The following FECH variants were observed in gnomAD, a reference collection of about 807,000 sequenced individuals.
FECH encodes the protein ferrochelatase.
Under a neutral mutation model 56.9 loss-of-function variants are expected in FECH, and 40 were observed. The observed-to-expected ratio is 0.70, with a 90% CI of 0.55 to 0.92. The LOEUF is 0.92. Among genes scored for constraint, FECH ranks in the 40% least tolerant of loss-of-function variants. FECH has a pLI of 0.00. For missense variants in FECH, 431 were observed against 529.1 expected (o/e 0.81, Z 1.82); for synonymous variants, 175 against 198.6 (o/e 0.88, Z 1.00).
chr18:57,566,682 T>C (rs571194808), intron 4 of FECH, 101 bp from the exon 5 acceptor site: 178 of 1,434,670 alleles, frequency 1.2e-4, no homozygotes, highest in Non-Finnish European at 1.6e-4. Flanking sequence ...GAACAGTTCA[T>C]GTAATTTCCT....
chr18:57,572,152 C>G (rs1233355526), intron 3 of FECH, among the ~76,000 whole-genome samples: 3 of 152,084 alleles, frequency 2.0e-5, no homozygotes, highest in Non-Finnish European at 2.9e-5. Flanking sequence ...TACACATTCA[C>G]AACAGCAAAG....
chr18:57,582,019 AT>A (rs921059508), intron 1 of FECH, among the ~76,000 whole-genome samples: 12 of 149,538 alleles, frequency 8.0e-5, no homozygotes, highest in Middle Eastern at 3.4e-3. Flanking sequence ...AAAAAAAAAA[AT>A]TCAATTCCAA....
intron 1 of FECH, among the ~76,000 whole-genome samples, chr18:57,582,420 A>T (rs1455387964): frequency 6.6e-6 from 1 of 152,104 alleles, no homozygotes; most frequent in East Asian, 1.9e-4. Context: ...ATTCAGGATA[A>T]GGGGTACTCA....
At chr18:57,568,084 A>C (rs1598998328) in intron 4 of FECH, among the ~76,000 whole-genome samples, 4 of 152,360 alleles carry the variant, frequency 2.6e-5, no homozygotes, top group Admixed American at 2.6e-4. Context: ...CAATACCATC[A>C]AATCCCTTGA....
At chr18:57,570,985 A>T (rs1555680892) in intron 4 of FECH, among the ~76,000 whole-genome samples, 1 of 152,216 alleles carries the variant, frequency 6.6e-6, no homozygotes, top group Non-Finnish European at 1.5e-5. Context: ...TACTGCTCTA[A>T]ATATTCTAAT....
intron 2 of FECH, among the ~76,000 whole-genome samples, chr18:57,574,254 G>C (rs2051154984): frequency 6.6e-6 from 1 of 152,144 alleles, no homozygotes; most frequent in Non-Finnish European, 1.5e-5. Flanking sequence ...CTCCCAAAGT[G>C]CTGGGATTAC....
intron 4 of FECH, among the ~76,000 whole-genome samples, chr18:57,570,134 T>G (rs1462402307): frequency 2.0e-5 from 3 of 151,476 alleles, no homozygotes; most frequent in Non-Finnish European, 4.4e-5. Flanking sequence ...GCTCAAGCGA[T>G]CCACCTGCCT....
At position 57,586,682 on chromosome 18, in the gene FECH, C is replaced by G; in HGVS notation, c.-62G>C. 2 of 1,421,500 alleles carry G rather than the reference C, an allele frequency of 1.4e-6. No homozygotes were observed. The highest frequency in any genetic ancestry group is 2.6e-5 in the South Asian group (2 of 75,980). The allele number at this position is 1,421,500 out of a possible 1,614,324, so 88.1% of individuals were successfully genotyped here. On this transcript the variant is annotated 5_prime_UTR_variant, in exon 1 of 11. Coordinates refer to ENST00000262093, the MANE Select transcript of FECH (RefSeq NM_000140.5). ...CGCGGCGGCGCGCCCAGGTGTCCGC[C>G]CAGCAGTGGCCGAGCCGGGTAGCGA... is the stretch of plus-strand genomic sequence containing the variant.
chr18:57,563,467 C>A (rs2050972408), intron 5 of FECH, among the ~76,000 whole-genome samples: 1 of 148,464 alleles, frequency 6.7e-6, no homozygotes, highest in Non-Finnish European at 1.5e-5. Context: ...GTAATCCCAG[C>A]TACTCAGGAG....
intron 6 of FECH, 143 bp from the exon 7 acceptor site, chr18:57,559,386 A>G (rs749840974): frequency 1.6e-5 from 10 of 644,380 alleles, no homozygotes; most frequent in South Asian, 8.1e-5. Context: ...AAAAAATTGC[A>G]AACAGTCCAG....
intron 9 of FECH, 115 bp downstream of exon 9, chr18:57,554,142 ACCG>A (rs2050835707): frequency 5.9e-6 from 5 of 854,324 alleles, no homozygotes; most frequent in African/African-American, 1.8e-5. Flanking sequence ...GAATGAGGAC[ACCG>A]TACATGCAAA....
chr18:57,550,882 G>C, intron 10 of FECH, 36 bp from the exon 11 acceptor site: 1 of 1,612,094 alleles, frequency 6.2e-7, no homozygotes, highest in Non-Finnish European at 8.5e-7. Context: ...CGCATGAGAA[G>C]CACAGGGTCT....
At chr18:57,566,628 A>AAT (rs768931797) in intron 4 of FECH, 47 bp from the exon 5 acceptor site, 4 of 1,607,872 alleles carry the variant, frequency 2.5e-6, no homozygotes, top group Non-Finnish European at 3.4e-6. Context: ...ATCCTTATAT[A>AAT]GATTCCTCAG....
At chr18:57,554,549 GA>G (rs1173744090) in intron 8 of FECH, 125 bp from the exon 9 acceptor site, 28 of 1,011,406 alleles carry the variant, frequency 2.8e-5, no homozygotes, top group Non-Finnish European at 3.9e-5. Flanking sequence ...ACACCTGCTT[GA>G]ATGGATTTTG....
At chr18:57,558,361 G>C (rs1234351674) in intron 7 of FECH, among the ~76,000 whole-genome samples, 3 of 152,212 alleles carry the variant, frequency 2.0e-5, no homozygotes, top group Non-Finnish European at 4.4e-5. Context: ...GTAATATGAT[G>C]AACTAAGGAA....
At chr18:57,584,165 C>T (rs1319214233) in intron 1 of FECH, among the ~76,000 whole-genome samples, 1 of 127,600 alleles carries the variant, frequency 7.8e-6, no homozygotes, top group Admixed American at 8.5e-5. Context: ...GTCGACAGAG[C>T]GAGACTCCGT....
chr18:57,569,036 A>C (rs1228753695), intron 4 of FECH, among the ~76,000 whole-genome samples: 1 of 152,220 alleles, frequency 6.6e-6, no homozygotes, highest in African/African-American at 2.4e-5. Context: ...CAGGGAAGCC[A>C]ACACCATCAG....
chr18:57,573,096 A>G lies in FECH; in HGVS notation c.314+150T>C, dbSNP rs191450278. ...TCCCCCTGCAATTTTCTGATATCATATCCTTCTGATATCCAACAGAAAACA... is the reference window on the plus strand; with the variant it reads ...TCCCCCTGCAATTTTCTGATATCATGTCCTTCTGATATCCAACAGAAAACA... On this transcript the variant is annotated intron_variant, in intron 3 of 10. Transcript: ENST00000262093. 50 of 821,476 alleles carry G rather than the reference A, an allele frequency of 6.1e-5. No homozygotes were observed. The African/African-American group carries it at 8.3e-4, about 14-fold the overall frequency. The allele number at this position is 821,476 out of a possible 1,614,324, so 50.9% of individuals were successfully genotyped here.
At chr18:57,552,668 GA>G (rs1195469208) in intron 9 of FECH, among the ~76,000 whole-genome samples, 1 of 152,140 alleles carries the variant, frequency 6.6e-6, no homozygotes, top group African/African-American at 2.4e-5. Context: ...CCAAAGTGCT[GA>G]GATTACAGGT....
Sources: allele counts gnomAD v4.1 joint callset (sites outside exome capture counted in the v4.1 genomes callset), GRCh38; gene constraint gnomAD v4.1.1; transcripts MANE v1.5; gene names NCBI Gene and HGNC (gene_info 2026-07-23, HGNC 2026-07-21).